CSMD3: variants seen among roughly 807,000 people sequenced by gnomAD.
The protein encoded by CSMD3 is CUB and Sushi multiple domains 3, also known as CUB and sushi domain-containing protein 3.
A neutral mutation model predicts 435.2 loss-of-function variants in CSMD3; 177 were observed. The observed-to-expected ratio is 0.41, with a 90% CI of 0.36 to 0.46. The LOEUF (loss-of-function observed/expected upper bound fraction) is 0.46. Ranked by LOEUF, CSMD3 falls within the 20% of genes least tolerant of loss-of-function variation. The pLI, the probability that CSMD3 is intolerant of heterozygous loss-of-function variation, is 0.34. For missense variants in CSMD3, 4,265 were observed against 4,504.6 expected (o/e 0.95, Z 1.52); for synonymous variants, 1,656 against 1,520.5 (o/e 1.09, Z -2.07).
At chr8:112,548,067 A>C (rs1397836709) in intron 27 of CSMD3, among the ~76,000 whole-genome samples, 1 of 152,132 alleles carries the variant, frequency 6.6e-6, no homozygotes. Flanking sequence ...GTCCATTTAC[A>C]TTCTCTTTAA....
Position 112,488,700 on chromosome 8 carries a change from A to G in CSMD3, c.5278+3789T>C, listed in dbSNP as rs138976950. ...TTAGAAATAGAGGCGTACACATATTAATGTATAGCAAAAGCAATCACTAGA... is the reference window on the plus strand; with the variant it reads ...TTAGAAATAGAGGCGTACACATATTGATGTATAGCAAAAGCAATCACTAGA... On this transcript the variant is annotated intron_variant, in intron 31 of 70. Transcript: ENST00000297405. Among the ~76,000 whole-genome samples, 848 of 152,314 alleles carry G rather than the reference A, an allele frequency of 5.6e-3. 7 individuals carry two copies. The highest frequency in any genetic ancestry group is 7.8e-3 in the Non-Finnish European group (531 of 68,030).
intron 1 of CSMD3, among the ~76,000 whole-genome samples, chr8:113,351,929 C>A (rs902473836): frequency 1.3e-5 from 2 of 152,200 alleles, no homozygotes; most frequent in East Asian, 1.9e-4. Flanking sequence ...TCTTCAATTG[C>A]TTAATGATTT....
chr8:112,947,913 A>G (rs1261302542), intron 8 of CSMD3, 36 bp from the exon 9 acceptor site: 1 of 844,222 alleles, frequency 1.2e-6, no homozygotes, highest in Non-Finnish European at 2.0e-6. Context: ...AAGAAACAAA[A>G]TATATGTGAT....
At chr8:112,779,274 A>C (rs1042335346) in intron 13 of CSMD3, among the ~76,000 whole-genome samples, 1 of 151,870 alleles carries the variant, frequency 6.6e-6, no homozygotes, top group Non-Finnish European at 1.5e-5. Context: ...GTGGCAAACT[A>C]TATTATTATT....
intron 17 of CSMD3, among the ~76,000 whole-genome samples, chr8:112,659,104 A>T (rs954280524): frequency 3.9e-5 from 6 of 152,184 alleles, no homozygotes; most frequent in Non-Finnish European, 8.8e-5. Context: ...ATTACTTCAA[A>T]TTGAAACATA....
At chr8:112,581,832 G>C (rs1830357612) in intron 23 of CSMD3, among the ~76,000 whole-genome samples, 1 of 152,056 alleles carries the variant, frequency 6.6e-6, no homozygotes, top group African/African-American at 2.4e-5. Context: ...AATGGAAAGA[G>C]ATGATGGAGG....
At chr8:113,292,194 T>C (rs1042445604) in intron 2 of CSMD3, among the ~76,000 whole-genome samples, 1 of 151,602 alleles carries the variant, frequency 6.6e-6, no homozygotes, top group Non-Finnish European at 1.5e-5. Context: ...ATGATAGAAA[T>C]AGTTTATTCT....
At chr8:112,803,548 A>G (rs1306293508) in intron 12 of CSMD3, among the ~76,000 whole-genome samples, 1 of 152,220 alleles carries the variant, frequency 6.6e-6, no homozygotes, top group Non-Finnish European at 1.5e-5. Context: ...GGGAACTTGT[A>G]TAAAAGACTG....
In CSMD3 at chr8:112,405,977, T is replaced by G. The variant is rs568277681; in HGVS notation, c.5809+547A>C. ...TCTGCCATTTGATAGCACAACAGTGTGACTACAGTCAATAACAACTTAACT... is the reference window on the plus strand; with the variant it reads ...TCTGCCATTTGATAGCACAACAGTGGGACTACAGTCAATAACAACTTAACT... On this transcript the variant is annotated intron_variant, in intron 35 of 70. Coordinates refer to ENST00000297405, the MANE Select transcript of CSMD3 (RefSeq NM_198123.2). Among the ~76,000 whole-genome samples, 22 of 152,192 alleles carry G rather than the reference T, an allele frequency of 1.4e-4. No homozygotes were observed. The Middle Eastern group carries it at 0.01, about 71-fold the overall frequency.
At chr8:112,461,182 A>G (rs989892510) in intron 32 of CSMD3, among the ~76,000 whole-genome samples, 1 of 152,138 alleles carries the variant, frequency 6.6e-6, no homozygotes, top group Non-Finnish European at 1.5e-5. Context: ...ATACTATCCT[A>G]AAACATCAGT....
intron 28 of CSMD3, among the ~76,000 whole-genome samples, chr8:112,514,547 T>C (rs1379719319): frequency 6.6e-6 from 1 of 152,170 alleles, no homozygotes; most frequent in Non-Finnish European, 1.5e-5. Context: ...GTGTCTTCTT[T>C]CTATCTCAAA....
intron 1 of CSMD3, among the ~76,000 whole-genome samples, chr8:113,377,652 A>G (rs910518689): frequency 4.6e-5 from 7 of 152,208 alleles, no homozygotes; most frequent in African/African-American, 1.2e-4. Flanking sequence ...CAAACAATAG[A>G]AACTCTAATT....
chr8:113,129,724 C>T (rs1254479352), intron 4 of CSMD3, among the ~76,000 whole-genome samples: 5 of 152,070 alleles, frequency 3.3e-5, no homozygotes, highest in East Asian at 3.9e-4. Flanking sequence ...TATACACACA[C>T]GTGTAATATT....
chr8:113,047,510 G>C (rs552602319), intron 5 of CSMD3, among the ~76,000 whole-genome samples: 2 of 152,206 alleles, frequency 1.3e-5, no homozygotes, highest in Non-Finnish European at 2.9e-5. Context: ...GAACAATCAG[G>C]ATTTCTTCCT....
chr8:112,573,400 A>C (rs1829691365), intron 24 of CSMD3, 101 bp downstream of exon 24: 1 of 1,020,970 alleles, frequency 9.8e-7, no homozygotes. Flanking sequence ...CTGTAAATTA[A>C]TAATCAAATA....
chr8:113,114,018 G>C (rs1369995168), intron 4 of CSMD3, among the ~76,000 whole-genome samples: 1 of 152,126 alleles, frequency 6.6e-6, no homozygotes, highest in African/African-American at 2.4e-5. Context: ...ACAGTATATA[G>C]TATGAACAGT....
intron 13 of CSMD3, among the ~76,000 whole-genome samples, chr8:112,691,979 T>G (rs921150313): frequency 2.6e-5 from 4 of 152,002 alleles, no homozygotes; most frequent in African/African-American, 9.7e-5. Flanking sequence ...GTTTTTGTAT[T>G]TTTAGTAGAG....
intron 53 of CSMD3, among the ~76,000 whole-genome samples, chr8:112,300,651 G>T (rs1820830245): frequency 6.6e-6 from 1 of 151,896 alleles, no homozygotes; most frequent in Non-Finnish European, 1.5e-5. Context: ...CCAGAGCCTG[G>T]TCCATTAATG....
At chr8:113,113,670 C>T (rs1480517411) in intron 4 of CSMD3, among the ~76,000 whole-genome samples, 16 of 152,168 alleles carry the variant, frequency 1.1e-4, no homozygotes, top group Non-Finnish European at 2.1e-4. Flanking sequence ...TACTTGCAAT[C>T]AGTCATGAAA....
Sources: allele counts gnomAD v4.1 joint callset (sites outside exome capture counted in the v4.1 genomes callset), GRCh38; gene constraint gnomAD v4.1.1; transcripts MANE v1.5; gene names NCBI Gene and HGNC (gene_info 2026-07-23, HGNC 2026-07-21).